Variants in HDAC9 observed in about 807,000 individuals in gnomAD.
The protein encoded by HDAC9 is histone deacetylase 9.
In HDAC9, 41 loss-of-function variants were observed where a neutral mutation model predicts 139.4. The ratio of observed to expected loss-of-function variants is 0.29; its 90% confidence interval spans 0.23 to 0.38. HDAC9 has a LOEUF of 0.38. HDAC9 is among the 10% of genes least tolerant of loss of function. HDAC9 has a pLI of 1.00. For synonymous variants in HDAC9, 517 were observed against 476.2 expected (o/e 1.09, Z -1.12); for missense variants, 1,147 against 1,297.0 (o/e 0.88, Z 1.78).
intron 1 of HDAC9, among the ~76,000 whole-genome samples, chr7:18,433,773 G>T (rs922809683): frequency 2.0e-5 from 3 of 152,140 alleles, no homozygotes; most frequent in African/African-American, 7.2e-5. Context: ...GTCAGAGACA[G>T]CACAAACAAA....
chr7:18,964,896 G>A (rs76661235), intron 24 of HDAC9, among the ~76,000 whole-genome samples: 24,144 of 152,048 alleles, frequency 0.16, 1,974 homozygotes, highest in Middle Eastern at 0.22. Context: ...TTTGGGTGGG[G>A]GCACAAAGCC....
intron 2 of HDAC9, among the ~76,000 whole-genome samples, chr7:18,583,025 A>G (rs907467378): frequency 6.6e-6 from 1 of 152,012 alleles, no homozygotes; most frequent in African/African-American, 2.4e-5. Context: ...GGTGATTTTC[A>G]GTTGTTGCAT....
intron 17 of HDAC9, among the ~76,000 whole-genome samples, chr7:18,805,983 T>C (rs1793673433): frequency 6.6e-6 from 1 of 152,224 alleles, no homozygotes; most frequent in Admixed American, 6.5e-5. Context: ...TGCTGGTCCC[T>C]GATCCTGTGG....
At chr7:18,953,623 C>T (rs1207089506) in intron 23 of HDAC9, among the ~76,000 whole-genome samples, 2 of 152,086 alleles carry the variant, frequency 1.3e-5, no homozygotes, top group South Asian at 2.1e-4. Flanking sequence ...GTTATTTGAA[C>T]CCTTTCTCTA....
intron 1 of HDAC9, among the ~76,000 whole-genome samples, chr7:18,095,974 G>T (rs1422214808): frequency 6.6e-6 from 1 of 152,120 alleles, no homozygotes; most frequent in African/African-American, 2.4e-5. Context: ...CTTTGTGTAT[G>T]GCTCAGGATA....
chr7:18,873,453 ACTT>A lies in HDAC9; in HGVS notation c.2685-1021_2685-1019del, dbSNP rs759721735. ...ATATTTTTATTGCATAACTGCAACA[ACTT>A]CTTGTTTATGATATGCAATAACATT... is the stretch of plus-strand genomic sequence containing the variant. On this transcript the variant is annotated intron_variant, in intron 21 of 25. Transcript: ENST00000686413. Among the ~76,000 whole-genome samples the A allele has an allele frequency of 1.2e-4, 19 of 152,286 alleles. No homozygotes were observed. In the South Asian group the frequency reaches 2.7e-3, roughly 22 times the overall value.
chr7:18,484,291 A>G (rs774930674), intron 1 of HDAC9, among the ~76,000 whole-genome samples: 1 of 151,694 alleles, frequency 6.6e-6, no homozygotes, highest in Non-Finnish European at 1.5e-5. Context: ...AGCTATGATT[A>G]CACTACTGCA....
chr7:18,838,289 G>A (rs182915744), intron 21 of HDAC9, among the ~76,000 whole-genome samples: 16 of 152,128 alleles, frequency 1.1e-4, no homozygotes, highest in Admixed American at 3.3e-4. Context: ...GAACAGAAGC[G>A]CTCAGAGCAG....
rs189833654 is a variant in HDAC9, at chr7:18,606,506, G to A, written c.664+12477G>A. Among the ~76,000 whole-genome samples, 32 of 152,272 alleles carry A rather than the reference G, an allele frequency of 2.1e-4. 1 individual carries two copies. Among genetic ancestry groups the A allele is most frequent in the Non-Finnish European group, 8.8e-5 (6 of 68,016 alleles). On this transcript the variant is annotated intron_variant, in intron 6 of 25. Transcript: ENST00000686413. ...GCTAAAAACTGAGAGAGAGAAAATA[G>A]GTTGAAATTATTTTAAGTCACATTT... is the stretch of plus-strand genomic sequence containing the variant.
chr7:18,442,289 A>AT (rs914666203), intron 1 of HDAC9, among the ~76,000 whole-genome samples: 14 of 151,990 alleles, frequency 9.2e-5, no homozygotes, highest in African/African-American at 1.4e-4. Flanking sequence ...AAGACTTCTA[A>AT]TTTTTTTTCC....
chr7:18,458,092 G>A (rs1443592000), intron 1 of HDAC9, among the ~76,000 whole-genome samples: 1 of 152,212 alleles, frequency 6.6e-6, no homozygotes, highest in African/African-American at 2.4e-5. Context: ...CCATCAAAGA[G>A]TAGGTGCCTT....
chr7:18,977,851 A>C (rs1275713797), intron 25 of HDAC9, among the ~76,000 whole-genome samples: 2 of 151,680 alleles, frequency 1.3e-5, no homozygotes, highest in African/African-American at 4.8e-5. Flanking sequence ...GAAAAGAAGA[A>C]TTCTTCTAGA....
intron 1 of HDAC9, among the ~76,000 whole-genome samples, chr7:18,143,959 G>A (rs1786102212): frequency 1.3e-5 from 2 of 152,042 alleles, no homozygotes; most frequent in Non-Finnish European, 2.9e-5. Context: ...TGGATCACCT[G>A]GTAGTGTCAC....
chr7:18,322,499 G>A lies in HDAC9; in HGVS notation c.-42+31984G>A, dbSNP rs148021383. On this transcript the variant is annotated intron_variant, in intron 1 of 3. Coordinates refer to the HDAC9 transcript ENST00000413509. ...CTTTCAAGGCTTACTTAATGGGAAC[G>A]TATCATTTTGATATACCGCGTCCCT... is the stretch of plus-strand genomic sequence containing the variant. Among the ~76,000 whole-genome samples the A allele has an allele frequency of 8.9e-4, 136 of 152,272 alleles. 1 individual carries two copies. In the East Asian group the frequency reaches 0.023, roughly 26 times the overall value.
chr7:18,136,073 A>G (rs1251259964), intron 1 of HDAC9, among the ~76,000 whole-genome samples: 6 of 149,084 alleles, frequency 4.0e-5, no homozygotes, highest in Admixed American at 2.7e-4. Flanking sequence ...GCATTTTTTC[A>G]TGTGTTTTTT....
chr7:18,086,893 GC>G (rs946872843), upstream of HDAC9: 474 of 143,570 alleles, frequency 3.3e-3, no homozygotes, highest in Middle Eastern at 0.011. Context: ...GCCCTCCCGA[GC>G]CCCCCCCGCG....
chr7:18,977,975 G>A (rs963493157), intron 25 of HDAC9, among the ~76,000 whole-genome samples: 1 of 150,690 alleles, frequency 6.6e-6, no homozygotes, highest in South Asian at 2.1e-4. Flanking sequence ...GAGAGAGAGA[G>A]AATGCTCTGA....
chr7:18,515,497 G>A (rs1437199454), intron 2 of HDAC9, among the ~76,000 whole-genome samples: 1 of 152,150 alleles, frequency 6.6e-6, no homozygotes, highest in African/African-American at 2.4e-5. Context: ...CAAAACATGA[G>A]GTAGAGTTCT....
chr7:18,925,916 C>G (rs1804181011), intron 22 of HDAC9, among the ~76,000 whole-genome samples: 2 of 145,584 alleles, frequency 1.4e-5, no homozygotes, highest in African/African-American at 4.9e-5. Context: ...CTCTTCTTTA[C>G]TTTTCCTCAA....
Sources: allele counts gnomAD v4.1 joint callset (sites outside exome capture counted in the v4.1 genomes callset), GRCh38; gene constraint gnomAD v4.1.1; transcripts MANE v1.5; gene names NCBI Gene and HGNC (gene_info 2026-07-23, HGNC 2026-07-21).